The following C12orf42 variants were observed in gnomAD, a reference collection of about 807,000 sequenced individuals.
The protein encoded by C12orf42 is uncharacterized protein C12orf42.
A neutral mutation model predicts 21.6 loss-of-function variants in C12orf42; 25 were observed. The ratio of observed to expected loss-of-function variants is 1.16; its 90% confidence interval spans 0.84 to 1.62. C12orf42 has a LOEUF of 1.62. C12orf42 is among the 40% of genes most tolerant of loss of function. The probability of loss-of-function intolerance (pLI) is 0.00; values close to 1 mark genes in which losing one functional copy is unlikely to be tolerated. For missense variants in C12orf42, 483 were observed against 459.3 expected (o/e 1.05, Z -0.47); for synonymous variants, 174 against 175.0 (o/e 0.99, Z 0.05).
At chr12:103,078,070 A>G in the C12orf42 span, among the ~76,000 whole-genome samples, 1 of 152,328 alleles carries the variant, frequency 6.6e-6, no homozygotes, top group African/African-American at 2.4e-5. Context: ...CACTCCCTAG[A>G]TGATTGACTT....
At chr12:103,075,923 C>T in the C12orf42 span, among the ~76,000 whole-genome samples, 996 of 152,132 alleles carry the variant, frequency 6.5e-3, 16 homozygotes, top group African/African-American at 0.022. Flanking sequence ...GGTGAGGGAG[C>T]TTAGAAAACT....
At chr12:103,484,002 T>C (rs1272388335) in intron 1 of C12orf42, among the ~76,000 whole-genome samples, 1 of 152,230 alleles carries the variant, frequency 6.6e-6, no homozygotes, top group African/African-American at 2.4e-5. Context: ...CATCCTTTTT[T>C]ATGGCTGCAT....
the C12orf42 span, chr12:103,559,332 A>T: frequency 6.6e-6 from 1 of 152,250 alleles, no homozygotes; most frequent in East Asian, 1.9e-4. Flanking sequence ...GGAAGAATGA[A>T]GTGTGCCCAT....
the C12orf42 span, among the ~76,000 whole-genome samples, chr12:103,219,775 G>C: frequency 2.0e-5 from 3 of 152,168 alleles, 1 homozygote; most frequent in Admixed American, 6.5e-5. Flanking sequence ...ATGCTGGCAA[G>C]GATGTGGACA....
chr12:103,273,791 C>T (rs1156432162), intron 5 of C12orf42: 5 of 452,088 alleles, frequency 1.1e-5, no homozygotes, highest in Admixed American at 7.1e-5. Flanking sequence ...TTGTCTTTTA[C>T]CTGATGACTT....
intron 4 of C12orf42, among the ~76,000 whole-genome samples, chr12:103,340,513 A>G (rs748319546): frequency 1.3e-5 from 2 of 152,260 alleles, no homozygotes; most frequent in Non-Finnish European, 2.9e-5. Context: ...AATGTTACTG[A>G]GTAACTTAAC....
At chr12:103,188,313 T>A in the C12orf42 span, among the ~76,000 whole-genome samples, 1 of 152,208 alleles carries the variant, frequency 6.6e-6, no homozygotes, top group African/African-American at 2.4e-5. Flanking sequence ...CATAAGTTTA[T>A]TGGGGTACAG....
At chr12:103,205,822 G>A in the C12orf42 span, among the ~76,000 whole-genome samples, 2,907 of 152,260 alleles carry the variant, frequency 0.019, 35 homozygotes, top group East Asian at 0.028. Context: ...AGGCAACAGT[G>A]TTGAATCTTA....
At chr12:103,228,938 C>T in the C12orf42 span, among the ~76,000 whole-genome samples, 1 of 151,794 alleles carries the variant, frequency 6.6e-6, no homozygotes, top group South Asian at 2.1e-4. Flanking sequence ...TTTCCTCTAC[C>T]TTCAGTCTCT....
chr12:103,430,156 A>G (rs1362734701), intron 2 of C12orf42, among the ~76,000 whole-genome samples: 1 of 152,254 alleles, frequency 6.6e-6, no homozygotes, highest in Non-Finnish European at 1.5e-5. Context: ...AAAAGAAACT[A>G]TCATCAGAGT....
At chr12:103,561,071 C>T in the C12orf42 span, among the ~76,000 whole-genome samples, 2 of 152,248 alleles carry the variant, frequency 1.3e-5, no homozygotes, top group East Asian at 1.9e-4. Flanking sequence ...AGCATATCTC[C>T]CTGCTTGATC....
the C12orf42 span, chr12:103,159,493 T>C: frequency 0.3 from 45,727 of 151,954 alleles, 7,335 homozygotes; most frequent in East Asian, 0.4. Context: ...GGATTTGGGG[T>C]CCAGTACCCT....
the C12orf42 span, among the ~76,000 whole-genome samples, chr12:103,064,536 C>A: frequency 6.6e-6 from 1 of 152,192 alleles, no homozygotes; most frequent in Admixed American, 6.5e-5. Context: ...GGACAAAAGA[C>A]TAATTTGAAT....
chr12:103,290,746 T>C lies in C12orf42; in HGVS notation n.338-13536A>G, dbSNP rs182801965. Among the ~76,000 whole-genome samples the C allele has an allele frequency of 2.6e-5, 4 of 152,278 alleles. No individual in the cohort carries two copies. The East Asian group carries it at 7.7e-4, about 29-fold the overall frequency. ...TAGGGCTAAGTAAGAAAATGTGGTTTAAACAGAAAAAAGTGGTGTTAATTC... is the reference window on the plus strand; with the variant it reads ...TAGGGCTAAGTAAGAAAATGTGGTTCAAACAGAAAAAAGTGGTGTTAATTC... On this transcript the variant is annotated intron_variant and non_coding_transcript_variant, in intron 4 of 6. Transcript: ENST00000546526.
chr12:103,189,744 C>T, the C12orf42 span, among the ~76,000 whole-genome samples: 2 of 152,206 alleles, frequency 1.3e-5, no homozygotes, highest in Admixed American at 1.3e-4. Flanking sequence ...AACAATTTGC[C>T]TGGGCAACAG....
the C12orf42 span, among the ~76,000 whole-genome samples, chr12:103,134,933 A>G: frequency 0.34 from 51,336 of 152,046 alleles, 9,090 homozygotes; most frequent in East Asian, 0.48. Context: ...GAAACCTTAT[A>G]GGTCATGAGA....
chr12:103,178,205 G>A, the C12orf42 span: 1 of 152,306 alleles, frequency 6.6e-6, no homozygotes, highest in Non-Finnish European at 1.5e-5. Flanking sequence ...TCGCCTGCAA[G>A]AAAGCACACC....
chr12:103,378,982 A>G (rs1490916217), intron 3 of C12orf42, among the ~76,000 whole-genome samples: 1 of 152,206 alleles, frequency 6.6e-6, no homozygotes, highest in Non-Finnish European at 1.5e-5. Context: ...ACAGTGAATG[A>G]AAAAGGTGAA....
the C12orf42 span, among the ~76,000 whole-genome samples, chr12:103,543,840 C>A: frequency 6.6e-6 from 1 of 151,238 alleles, no homozygotes; most frequent in African/African-American, 2.4e-5. Context: ...CAAGTACATC[C>A]TTTTAGAATT....
Sources: gnomAD v4.1 joint callset for allele counts (sites outside exome capture counted in the v4.1 genomes callset) on GRCh38, gnomAD v4.1.1 for gene constraint, MANE v1.5 for transcripts, NCBI Gene and HGNC (gene_info 2026-07-23, HGNC 2026-07-21) for gene names.